CAMKMT: variants seen among roughly 807,000 people sequenced by gnomAD.
The protein encoded by CAMKMT is CaM KMT.
A neutral mutation model predicts 48.0 loss-of-function variants in CAMKMT; 53 were observed. The observed-to-expected ratio is 1.10, with a 90% CI of 0.89 to 1.39. CAMKMT has a LOEUF of 1.39. Ranked by LOEUF, CAMKMT falls within the 40% of genes most tolerant of loss-of-function variation. CAMKMT has a pLI of 0.00. For missense variants in CAMKMT, 428 were observed against 402.7 expected, an observed-to-expected ratio of 1.06 and a Z score of -0.54; for synonymous variants, 165 against 152.3, an observed-to-expected ratio of 1.08 and a Z score of -0.61.
intron 3 of CAMKMT, among the ~76,000 whole-genome samples, chr2:44,394,300 C>T (rs544498708): frequency 6.6e-6 from 1 of 152,026 alleles, no homozygotes. Context: ...TGGTTGAGCT[C>T]CATGACAGGA....
At chr2:44,705,287 C>A (rs1295666560) in intron 4 of CAMKMT, 1 of 917,190 alleles carries the variant, frequency 1.1e-6, no homozygotes, top group Non-Finnish European at 1.3e-6. Context: ...CTCTCCCTCT[C>A]TTTTAATTTT....
At chr2:44,626,234 G>C (rs1672475436) in intron 3 of CAMKMT, among the ~76,000 whole-genome samples, 1 of 152,096 alleles carries the variant, frequency 6.6e-6, no homozygotes, top group East Asian at 1.9e-4. Flanking sequence ...AACAGATCTT[G>C]TACACCCACT....
chr2:44,687,400 A>G (rs184818531), intron 3 of CAMKMT, among the ~76,000 whole-genome samples: 74 of 152,348 alleles, frequency 4.9e-4, no homozygotes, highest in Admixed American at 3.7e-3. Flanking sequence ...CCAGTGCAAC[A>G]TATAGTAAGG....
chr2:44,727,826 G>A (rs991491850), intron 7 of CAMKMT, among the ~76,000 whole-genome samples: 5 of 152,144 alleles, frequency 3.3e-5, no homozygotes, highest in African/African-American at 1.2e-4. Flanking sequence ...AAGGGATGTT[G>A]GAGTTTATCA....
chr2:44,678,252 C>T lies in CAMKMT; in HGVS notation c.377-26031C>T, dbSNP rs114031417. Among the ~76,000 whole-genome samples, 191 of 152,246 alleles carry T rather than the reference C, an allele frequency of 1.3e-3. 1 individual carries two copies. Among genetic ancestry groups the T allele is most frequent in the African/African-American group, 4.4e-3 (183 of 41,556 alleles). ...TGGTGCACTTCAGATTAATTCTTTC[C>T]ATTAACATTTTGAAATGTTAAGTAA... On this transcript the variant is annotated intron_variant, in intron 3 of 10. Coordinates refer to ENST00000378494, the MANE Select transcript of CAMKMT (RefSeq NM_024766.5).
At position 44,757,525 on chromosome 2, in the gene CAMKMT, A is replaced by T. The variant is rs764560500; in HGVS notation, c.762+3407A>T. 1.1e-3 allele frequency among the ~76,000 whole-genome samples: 172 copies of T among 151,566 alleles called. 3 individuals carry two copies. Among genetic ancestry groups the T allele is most frequent in the Non-Finnish European group, 2.2e-3 (152 of 67,968 alleles). On this transcript the variant is annotated intron_variant, in intron 9 of 10. Coordinates refer to ENST00000378494, the MANE Select transcript of CAMKMT (RefSeq NM_024766.5). ...ATGATTGGCTCTGAGTATCTATTCA[A>T]GGCTAGCTCTGGTTACTTTGGTAAA...
At chr2:44,706,180 A>T (rs369352621) in intron 4 of CAMKMT, 107 bp from the exon 5 acceptor site, 14 of 991,422 alleles carry the variant, frequency 1.4e-5, no homozygotes, top group Admixed American at 5.5e-5. Flanking sequence ...ACTTCCTGGT[A>T]GCGCCGTTCT....
At chr2:44,758,666 C>T (rs1680482024) in intron 9 of CAMKMT, among the ~76,000 whole-genome samples, 1 of 152,198 alleles carries the variant, frequency 6.6e-6, no homozygotes, top group Non-Finnish European at 1.5e-5. Context: ...ACCCCCCACT[C>T]ACTTTTCCCT....
intron 3 of CAMKMT, among the ~76,000 whole-genome samples, chr2:44,607,498 G>A (rs1232766224): frequency 6.6e-6 from 1 of 152,034 alleles, no homozygotes; most frequent in African/African-American, 2.4e-5. Context: ...GAACATAAAA[G>A]CACCAGTGAT....
intron 3 of CAMKMT, among the ~76,000 whole-genome samples, chr2:44,672,487 T>C (rs1457919413): frequency 3.3e-5 from 5 of 152,204 alleles, no homozygotes; most frequent in Admixed American, 6.5e-5. Flanking sequence ...ACAAGACCAT[T>C]TGTACCCCAA....
chr2:44,416,113 TTTA>T (rs764678690), intron 3 of CAMKMT, among the ~76,000 whole-genome samples: 1 of 152,310 alleles, frequency 6.6e-6, no homozygotes, highest in Non-Finnish European at 1.5e-5. Context: ...GTTTAGGGCA[TTTA>T]TTATTTAAAG....
chr2:44,731,505 G>T (rs1679078287), intron 7 of CAMKMT, among the ~76,000 whole-genome samples: 1 of 152,166 alleles, frequency 6.6e-6, no homozygotes, highest in African/African-American at 2.4e-5. Flanking sequence ...ACAAATTAGG[G>T]TGAACCCATT....
chr2:44,384,917 G>A (rs922048431), intron 2 of CAMKMT, among the ~76,000 whole-genome samples: 5 of 152,140 alleles, frequency 3.3e-5, no homozygotes, highest in Admixed American at 1.3e-4. Context: ...GTAGTGTGAT[G>A]CCTCCAGATT....
chr2:44,518,784 C>A lies in CAMKMT; in HGVS notation c.376+128479C>A, dbSNP rs181336865. ...GATGGGGCTTAGCTAGGTAGACGTACCCAGATGAAATCAAGTGAGTGCATA... is the reference window on the plus strand; with the variant it reads ...GATGGGGCTTAGCTAGGTAGACGTAACCAGATGAAATCAAGTGAGTGCATA... On this transcript the variant is annotated intron_variant, in intron 3 of 10. Transcript: ENST00000378494. Among the ~76,000 whole-genome samples the A allele has an allele frequency of 9.9e-5, 15 of 152,218 alleles. 1 individual carries two copies. In the East Asian group the frequency reaches 2.9e-3, roughly 29 times the overall value.
At chr2:44,637,058 A>C (rs1462723699) in intron 3 of CAMKMT, among the ~76,000 whole-genome samples, 1 of 152,206 alleles carries the variant, frequency 6.6e-6, no homozygotes, top group African/African-American at 2.4e-5. Context: ...TACTGATTTG[A>C]CATACTGCTG....
At chr2:44,511,169 C>T (rs1014860984) in intron 3 of CAMKMT, among the ~76,000 whole-genome samples, 1 of 151,874 alleles carries the variant, frequency 6.6e-6, no homozygotes, top group Non-Finnish European at 1.5e-5. Context: ...CCTTTTCATC[C>T]CCATAGCTTA....
intron 3 of CAMKMT, among the ~76,000 whole-genome samples, chr2:44,496,376 C>G (rs923000344): frequency 2.0e-5 from 3 of 152,164 alleles, no homozygotes; most frequent in Admixed American, 6.6e-5. Context: ...TAAACACTCC[C>G]TACTGATTCA....
rs1474015722 is a variant in CAMKMT, at chr2:44,618,577, C to G, written c.377-85706C>G. On this transcript the variant is annotated intron_variant, in intron 3 of 10. Coordinates refer to ENST00000378494, the MANE Select transcript of CAMKMT (RefSeq NM_024766.5). The surrounding 1 kb of genome is among the most constrained non-coding windows in gnomAD (Gnocchi z 4.0). ...TAAATTAGCAGTCTTGAAATGATTC[C>G]AACTGTCTCCTGACTTCTCACTGTT... Among the ~76,000 whole-genome samples the G allele has an allele frequency of 6.6e-6, 1 of 152,162 alleles. No individual in the cohort carries two copies. The highest frequency in any genetic ancestry group is 1.5e-5 in the Non-Finnish European group (1 of 68,036).
intron 3 of CAMKMT, among the ~76,000 whole-genome samples, chr2:44,621,664 T>C (rs1371129475): frequency 6.6e-6 from 1 of 152,210 alleles, no homozygotes; most frequent in Non-Finnish European, 1.5e-5. Context: ...CAAGATGAAG[T>C]TGGGGAAATA....
Sources: allele counts gnomAD v4.1 joint callset (sites outside exome capture counted in the v4.1 genomes callset), GRCh38; gene constraint gnomAD v4.1.1; non-coding constraint Gnocchi (gnomAD v3.1); transcripts MANE v1.5; gene names NCBI Gene and HGNC (gene_info 2026-07-23, HGNC 2026-07-21).